SUN1: variants seen among roughly 807,000 people sequenced by gnomAD.
SUN1 encodes the protein Sad1 and UNC84 domain containing 1, also known as SUN domain-containing protein 1.
Under a neutral mutation model 103.2 loss-of-function variants are expected in SUN1, and 61 were observed. The ratio of observed to expected loss-of-function variants is 0.59; its 90% CI spans 0.48 to 0.73. The LOEUF (loss-of-function observed/expected upper bound fraction) is 0.73. SUN1 is among the 30% of genes least tolerant of loss of function. The pLI is 0.00. For missense variants in SUN1, 1,052 were observed against 1,034.6 expected (o/e 1.02, Z -0.23); for synonymous variants, 490 against 425.7 (o/e 1.15, Z -1.86).
rs1216946071 is a variant in SUN1 at position 832,612 on chromosome 7, A to G, written c.77+11A>G. 1 of 1,606,546 alleles carries G rather than the reference A, an allele frequency of 6.2e-7. No individual in the cohort carries two copies. The highest frequency in any genetic ancestry group is 1.7e-5 in the Admixed American group (1 of 59,002). On this transcript the variant is annotated intron_variant, in intron 1 of 18. Transcript: ENST00000401592. ...CACGTATGCGCTCAGGTGAGTGTGC[A>G]CCTGCACGTGGGGTCCTGGCCTTGC...
Position 872,482 on chromosome 7 carries a change from G to C in SUN1, c.2161G>C (p.Glu721Gln), listed in dbSNP as rs1047648550. The C allele has an allele frequency of 6.2e-7, 1 of 1,603,048 alleles. No individual in the cohort carries two copies. The highest frequency in any genetic ancestry group is 1.3e-5 in the African/African-American group (1 of 74,952). Reference protein sequence around the residue: ...KDFAVYGLENEYQEEGQLLGQ... With the variant: ...KDFAVYGLENQYQEEGQLLGQ... Reference sequence around the variant, plus strand: ...GTCTTGTTTTCAGGGATTAGAAAATGAGTATCAGGAAGAAGGGCAGCTTCT... The same window carrying C: ...GTCTTGTTTTCAGGGATTAGAAAATCAGTATCAGGAAGAAGGGCAGCTTCT... Residue 721 changes from glutamate to glutamine, a missense_variant, in exon 18 of 19, where the codon GAG (glutamate) becomes CAG (glutamine). Glu to Gln is a conservative substitution (Grantham distance 29). Around this residue, in one of 2 missense-constraint regions of SUN1, gnomAD observed 206 missense variants for 260.1 expected, o/e 0.79. Transcript: ENST00000401592.
chr7:865,166 A>C (rs912282346), intron 15 of SUN1, among the ~76,000 whole-genome samples: 1 of 152,124 alleles, frequency 6.6e-6, no homozygotes, highest in African/African-American at 2.4e-5. Flanking sequence ...TGTATCACCC[A>C]GGCTGGAGTC....
intron 1 of SUN1, chr7:817,185 C>A (rs1268469334): frequency 1.8e-6 from 1 of 543,480 alleles, no homozygotes; most frequent in Non-Finnish European, 3.3e-6. Flanking sequence ...GTCTCGACCT[C>A]CTGAGCGCGA....
At chr7:831,342 G>C (rs1012507634), upstream of SUN1, among the ~76,000 whole-genome samples, 2 of 151,580 alleles carry the variant, frequency 1.3e-5, no homozygotes, top group East Asian at 3.9e-4. Context: ...TACGATCTCG[G>C]CTCACTGCAA....
At position 852,622 on chromosome 7, in the gene SUN1, A is replaced by C; in HGVS notation, c.865A>C (p.Ile289Leu). The change falls in exon 8 of 19, where the codon ATC becomes CTC. Residue 289 changes from isoleucine (I) to leucine (L), a missense_variant. By Grantham distance (5) the Ile-to-Leu change is conservative. Coordinates refer to ENST00000401592, the MANE Select transcript of SUN1 (RefSeq NM_001130965.3). ...VFLLTRCLRN[I>L]CKFLVLLIPL... ...TGTTACTCCCAGGTGCCTTCGAAAC[A>C]TCTGCAAGTTTTTAGTCTTGCTCAT... is the stretch of plus-strand genomic sequence containing the variant. The C allele has an allele frequency of 1.2e-6, 2 of 1,614,248 alleles. No homozygotes were observed. Among genetic ancestry groups the C allele is most frequent in the Non-Finnish European group, 1.7e-6 (2 of 1,180,048 alleles).
At chr7:840,560 A>G (rs1472481459) in intron 2 of SUN1, among the ~76,000 whole-genome samples, 1 of 151,874 alleles carries the variant, frequency 6.6e-6, no homozygotes, top group Non-Finnish European at 1.5e-5. Flanking sequence ...TAACATTCAC[A>G]GGGTGTTTTC....
chr7:832,531 T>G lies in SUN1; in HGVS notation c.7T>G (p.Phe3Val), dbSNP rs1562542721. The change falls in exon 1 of 19, where the codon TTT becomes GTT. Residue 3 changes from phenylalanine (F) to valine (V), a missense_variant. By Grantham distance (50) the Phe-to-Val change is conservative. Transcript: ENST00000401592. ...ATGGTTTGAAGTGGTGAACATGGATTTTTCTCGGCTTCACATGTACAGTCC... is the reference window on the plus strand; with the variant it reads ...ATGGTTTGAAGTGGTGAACATGGATGTTTCTCGGCTTCACATGTACAGTCC... MD[F>V]SRLHMYSPPQ... 6.2e-7 allele frequency: 1 copy of G among 1,613,200 alleles called. No homozygotes were observed. The highest frequency in any genetic ancestry group is 1.7e-5 in the Admixed American group (1 of 59,874).
intron 5 of SUN1, among the ~76,000 whole-genome samples, chr7:849,215 A>C (rs1017841329): frequency 3.9e-5 from 6 of 152,206 alleles, no homozygotes; most frequent in Non-Finnish European, 7.3e-5. Context: ...TCAGCCTCCC[A>C]AGTGCTGGGA....
chr7:841,788 A>T, intron 2 of SUN1, 158 bp from the exon 3 acceptor site: 1 of 718,250 alleles, frequency 1.4e-6, no homozygotes, highest in Non-Finnish European at 2.2e-6. Context: ...TTCCTTTTTT[A>T]TATTAACAGT....
intron 10 of SUN1, among the ~76,000 whole-genome samples, 171 bp downstream of exon 10, chr7:853,789 C>T (rs977727827): frequency 7.2e-5 from 11 of 152,194 alleles, no homozygotes; most frequent in African/African-American, 1.7e-4. Flanking sequence ...GTGGGTTTCC[C>T]GTCGTCTGCC....
intron 12 of SUN1, 61 bp downstream of exon 12, chr7:856,462 C>T (rs1410860492): frequency 6.3e-6 from 10 of 1,594,024 alleles, no homozygotes; most frequent in South Asian, 2.2e-5. Flanking sequence ...TTATGTGGAG[C>T]GGCAGCAGAG....
upstream of SUN1, among the ~76,000 whole-genome samples, chr7:831,682 A>G (rs1798127860): frequency 6.6e-6 from 1 of 152,246 alleles, no homozygotes; most frequent in Non-Finnish European, 1.5e-5. Flanking sequence ...TATTTCAAAG[A>G]AGGTAGCATG....
At chr7:865,931 C>T (rs780050885) in intron 15 of SUN1, 21 bp from the exon 16 acceptor site, 17 of 1,607,066 alleles carry the variant, frequency 1.1e-5, no homozygotes, top group African/African-American at 2.7e-5. Flanking sequence ...ACACTGAGAC[C>T]GATCTGAACT....
intron 11 of SUN1, among the ~76,000 whole-genome samples, chr7:855,719 T>C (rs1319773193): frequency 6.6e-6 from 1 of 152,132 alleles, no homozygotes; most frequent in Non-Finnish European, 1.5e-5. Context: ...GAGGCGAGAA[T>C]GTACCCGCCT....
rs1285030356 is a variant in SUN1, at chr7:854,959, A to G, written c.1303A>G (p.Met435Val). The change falls in exon 11 of 19, where the codon ATG (methionine) becomes GTG (valine). Residue 435 changes from methionine (M) to valine (V), a missense_variant. Physicochemically the swap from Met to Val is conservative, Grantham distance 21. This residue lies in a region of SUN1 where 846 missense variants were observed against 774.5 expected (regional missense o/e 1.09). Transcript: ENST00000401592. The stretch of plus-strand genomic sequence containing the variant: ...CTTTCACCAAGAACATGAAGTGCGT[A>G]TGTCACACTTGGAAGATATTCTGGG... ...MAFHQEHEVR[M>V]SHLEDILGKL... 2 of 1,613,880 alleles carry G rather than the reference A, an allele frequency of 1.2e-6. No homozygotes were observed. Among genetic ancestry groups the G allele is most frequent in the Non-Finnish European group, 1.7e-6 (2 of 1,179,972 alleles).
At chr7:836,044 C>T (rs1271135630) in intron 1 of SUN1, among the ~76,000 whole-genome samples, 1 of 152,264 alleles carries the variant, frequency 6.6e-6, no homozygotes, top group Non-Finnish European at 1.5e-5. Flanking sequence ...CGCTTCAGAG[C>T]CTCCACGGGG....
intron 9 of SUN1, chr7:853,167 A>G (rs1272269173): frequency 2.6e-6 from 2 of 768,536 alleles, no homozygotes; most frequent in Non-Finnish European, 2.0e-6. Flanking sequence ...TTTTAATTTT[A>G]AAAACATAAT....
At chr7:850,166 T>A (rs564874117) in intron 5 of SUN1, 2 of 833,344 alleles carry the variant, frequency 2.4e-6, no homozygotes, top group East Asian at 5.4e-5. Context: ...TTAACTTTGG[T>A]TTAAAACAGG....
intron 17 of SUN1, 35 bp downstream of exon 17, chr7:869,551 C>G (rs750565099): frequency 1.0e-5 from 16 of 1,599,836 alleles, no homozygotes; most frequent in Non-Finnish European, 1.4e-5. Context: ...TCCTCCCACA[C>G]CTTCCTGGGA....
Sources: gnomAD v4.1 joint callset for allele counts (sites outside exome capture counted in the v4.1 genomes callset) on GRCh38, gnomAD v4.1.1 for gene constraint, gnomAD v4.1.1 regional missense constraint, MANE v1.5 for transcripts, NCBI Gene and HGNC (gene_info 2026-07-23, HGNC 2026-07-21) for gene names.